Variants in ADCY10 observed in about 807,000 individuals in gnomAD.
ADCY10 encodes adenylate cyclase 10, also known as adenylate cyclase type 10.
Under a neutral mutation model 183.3 loss-of-function variants are expected in ADCY10, and 156 were observed. The observed-to-expected ratio is 0.85, with a 90% CI of 0.75 to 0.97. The LOEUF is 0.97. Ranked by LOEUF, ADCY10 falls within the 50% of genes least tolerant of loss-of-function variation. The probability of loss-of-function intolerance (pLI) is 0.00; values close to 1 mark genes in which losing one functional copy is unlikely to be tolerated. For synonymous variants in ADCY10, 645 were observed against 670.0 expected, an observed-to-expected ratio of 0.96 and a Z score of 0.58; for missense variants, 1,745 against 1,934.3, an observed-to-expected ratio of 0.90 and a Z score of 1.84.
At position 167,818,111 on chromosome 1, in the gene ADCY10, C is replaced by T. The variant is rs773584587; in HGVS notation, c.4443G>A (p.Gln1481=). 1.9e-6 allele frequency: 3 copies of T among 1,614,200 alleles called. No homozygotes were observed. Among genetic ancestry groups the T allele is most frequent in the East Asian group, 2.2e-5 (1 of 44,884 alleles). The change falls in exon 31 of 33, where the codon CAG becomes CAA. Residue 1481 remains glutamine (Q), a synonymous_variant. Transcript: ENST00000367851. ...VLHLQKQIKE[Q]SENAQASGEE... is the part of the protein sequence containing the mutation. ...CCCCACTGGCTTGGGCATTCTCTGA[C>T]TGTTCTTTGATTTGTTTTTGAAGGT...
At chr1:167,875,070 C>CT in intron 13 of ADCY10, 61 bp downstream of exon 13, 1 of 1,324,648 alleles carries the variant, frequency 7.5e-7, no homozygotes, top group Non-Finnish European at 1.1e-6. Context: ...CATTGATGTA[C>CT]TTTTCTGCAT....
At chr1:167,878,718 G>A in intron 11 of ADCY10, 83 bp from the exon 12 acceptor site, 2 of 1,401,002 alleles carry the variant, frequency 1.4e-6, no homozygotes, top group Non-Finnish European at 2.0e-6. Flanking sequence ...TCCCCAAATA[G>A]CATTTTTACC....
intron 14 of ADCY10, among the ~76,000 whole-genome samples, chr1:167,869,518 G>A (rs1009175140): frequency 2.0e-5 from 3 of 152,138 alleles, no homozygotes; most frequent in Admixed American, 1.3e-4. Flanking sequence ...GTAGCCCGGC[G>A]CCTAAGAACC....
At chr1:167,840,365 C>T (rs1255127755) in intron 21 of ADCY10, among the ~76,000 whole-genome samples, 1 of 56,360 alleles carries the variant, frequency 1.8e-5, no homozygotes, top group African/African-American at 1.6e-4. Context: ...ATTATTATTA[C>T]TATTTTTTTT....
Position 167,824,655 on chromosome 1 carries a change from C to A in ADCY10, c.3951G>T (p.Glu1317Asp). 1 of 1,614,214 alleles carries A rather than the reference C, an allele frequency of 6.2e-7. No individual in the cohort carries two copies. The highest frequency in any genetic ancestry group is 8.5e-7 in the Non-Finnish European group (1 of 1,180,030). The stretch of plus-strand genomic sequence containing the variant: ...TCTTGCCCAGCCAGCCCTTACCTAA[C>A]TCAATGGCCAAATCCAGGTGTCCCA... ...LIMGHLDLAI[E>D]LGSRALQMWA... Residue 1317 changes from glutamate (E) to aspartate (D), a missense_variant, in exon 27 of 33, where the codon GAG (glutamate) becomes GAT (aspartate). By Grantham distance (45) the Glu-to-Asp change is conservative. Coordinates refer to ENST00000367851, the MANE Select transcript of ADCY10 (RefSeq NM_018417.6).
At chr1:167,816,933 T>C (rs1662568104) in intron 31 of ADCY10, among the ~76,000 whole-genome samples, 1 of 152,234 alleles carries the variant, frequency 6.6e-6, no homozygotes, top group African/African-American at 2.4e-5. Context: ...TTCTAAAAGA[T>C]GACAGTTTGT....
intron 26 of ADCY10, among the ~76,000 whole-genome samples, chr1:167,827,106 G>A (rs1663349342): frequency 6.6e-6 from 1 of 151,982 alleles, no homozygotes; most frequent in African/African-American, 2.4e-5. Context: ...GGTGCTACTT[G>A]ACCCCTTCCC....
chr1:167,891,386 G>A (rs940939566), intron 8 of ADCY10, among the ~76,000 whole-genome samples: 1 of 151,906 alleles, frequency 6.6e-6, no homozygotes, highest in Non-Finnish European at 1.5e-5. Context: ...GTCGGGCGCA[G>A]TGGCTCACAT....
intron 25 of ADCY10, among the ~76,000 whole-genome samples, chr1:167,831,882 A>G (rs1487529056): frequency 6.6e-6 from 1 of 152,174 alleles, no homozygotes; most frequent in Non-Finnish European, 1.5e-5. Flanking sequence ...CCTATGTGTA[A>G]TGCAAAGACC....
chr1:167,818,014 G>C (rs1169140523), intron 31 of ADCY10, 58 bp downstream of exon 31: 1 of 1,499,254 alleles, frequency 6.7e-7, no homozygotes, highest in Admixed American at 1.7e-5. Context: ...AGCACAGGAA[G>C]TAGACAGAGA....
At chr1:167,885,410 T>C (rs775858510) in intron 8 of ADCY10, among the ~76,000 whole-genome samples, 15 of 152,210 alleles carry the variant, frequency 9.9e-5, no homozygotes, top group Non-Finnish European at 1.5e-4. Flanking sequence ...TCATTAACAG[T>C]GTACAAGGAT....
intron 1 of ADCY10, among the ~76,000 whole-genome samples, chr1:167,907,661 A>G (rs142910490): frequency 2.0e-4 from 30 of 152,362 alleles, no homozygotes; most frequent in African/African-American, 7.2e-4. Context: ...ATGGTTATTT[A>G]GATTAGCAAG....
rs538462140 is a variant in ADCY10 at position 167,853,830 on chromosome 1, C to CTTTTTTTTTTTTTT, written c.2308+509_2308+522dup. 1.4e-3 allele frequency among the ~76,000 whole-genome samples: 107 copies of CTTTTTTTTTTTTTT among 77,186 alleles called. 9 individuals carry two copies. The highest frequency in any genetic ancestry group is 1.6e-3 in the Non-Finnish European group (69 of 42,144). The allele number at this position is 77,186 out of a possible 152,430, so 50.6% of individuals were successfully genotyped here. A position where few individuals can be genotyped will look rare whatever the true frequency, so the allele number is the denominator to read the frequency against. On this transcript the variant is annotated intron_variant, in intron 18 of 32. Transcript: ENST00000367851. The stretch of plus-strand genomic sequence containing the variant: ...TGTTCTTTCATTTCTACTATAGTTA[C>CTTTTTTTTTTTTTT]TTTTTTTTTTTTTTTTTTTTTTTTT...
At position 167,823,143 on chromosome 1, in the gene ADCY10, G is replaced by T; in HGVS notation, c.4053-20C>A. ...GGGTATCTATGGAAAAGAAAAGGTA[G>T]TGGCCATTAAAAAGTGGTGGATATT... On this transcript the variant is annotated intron_variant, in intron 28 of 32. Coordinates refer to ENST00000367851, the MANE Select transcript of ADCY10 (RefSeq NM_018417.6). The T allele has an allele frequency of 1.9e-6, 3 of 1,607,276 alleles. No homozygotes were observed. The highest frequency in any genetic ancestry group is 2.6e-6 in the Non-Finnish European group (3 of 1,173,840).
intron 16 of ADCY10, among the ~76,000 whole-genome samples, chr1:167,857,360 AC>A (rs900240051): frequency 1.2e-4 from 19 of 152,226 alleles, no homozygotes; most frequent in African/African-American, 4.3e-4. Context: ...CCGTTCTGTC[AC>A]CAAATACTTA....
chr1:167,838,972 G>A (rs1037977968), intron 21 of ADCY10, among the ~76,000 whole-genome samples: 6 of 152,076 alleles, frequency 3.9e-5, no homozygotes, highest in East Asian at 3.8e-4. Flanking sequence ...AGAAAGTCCC[G>A]TTGACCATAC....
rs146639825 is a variant in ADCY10 at position 167,856,434 on chromosome 1, C to T, written c.1902G>A (p.Val634=). ...TGATAAAAATAATCCTTTCCTCTTT[C>T]ACTATCTGGACAAGATGCAGAAAGA... ...ILFMKILKLI[V]KEERIIFIID... The change falls in exon 17 of 33, where the codon GTG becomes GTA. Residue 634 remains valine (V), a synonymous_variant. Coordinates refer to ENST00000367851, the MANE Select transcript of ADCY10 (RefSeq NM_018417.6). 1,437 of 1,614,160 alleles carry T rather than the reference C, an allele frequency of 8.9e-4. 1 individual carries two copies. Among genetic ancestry groups the T allele is most frequent in the Non-Finnish European group, 1.1e-3 (1,306 of 1,180,040 alleles).
intron 10 of ADCY10, 49 bp downstream of exon 10, chr1:167,880,442 G>T: frequency 7.5e-7 from 1 of 1,334,846 alleles, no homozygotes; most frequent in Admixed American, 1.7e-5. Flanking sequence ...CCCTACTTAT[G>T]CCTCAAAAGG....
chr1:167,880,316 G>T (rs932921072), intron 10 of ADCY10, 125 bp from the exon 11 acceptor site: 6 of 1,046,542 alleles, frequency 5.7e-6, no homozygotes, highest in Non-Finnish European at 8.8e-6. Context: ...CTACCCGTTG[G>T]AATTAGTTTA....
Sources: gnomAD v4.1 joint callset for allele counts (sites outside exome capture counted in the v4.1 genomes callset) on GRCh38, gnomAD v4.1.1 for gene constraint, MANE v1.5 for transcripts, NCBI Gene and HGNC (gene_info 2026-07-23, HGNC 2026-07-21) for gene names.